The following PUM1 variants were observed in gnomAD, a reference collection of about 807,000 sequenced individuals.
PUM1 encodes the protein pumilio homolog 1.
A neutral mutation model predicts 131.8 loss-of-function variants in PUM1; 13 were observed. The ratio of observed to expected loss-of-function variants is 0.10; its 90% confidence interval spans 0.06 to 0.16. PUM1 has a LOEUF of 0.16. Among genes scored for constraint, PUM1 ranks in the 10% least tolerant of loss-of-function variants. PUM1 has a pLI of 1.00. For synonymous variants in PUM1, 509 were observed against 556.5 expected (o/e 0.91, Z 1.20); for missense variants, 961 against 1,512.4 (o/e 0.64, Z 6.05).
intron 3 of PUM1, among the ~76,000 whole-genome samples, chr1:31,010,541 C>A (rs1642574875): frequency 6.6e-6 from 1 of 152,176 alleles, no homozygotes; most frequent in East Asian, 1.9e-4. Context: ...AGAGAGACAT[C>A]TCTGGACAAC....
At chr1:30,969,141 T>C (rs1640755742) in intron 10 of PUM1, among the ~76,000 whole-genome samples, 1 of 151,606 alleles carries the variant, frequency 6.6e-6, no homozygotes, top group Non-Finnish European at 1.5e-5. Flanking sequence ...CCGTCTCTAC[T>C]AAAACTACAA....
intron 2 of PUM1, chr1:31,037,059 C>T (rs1643634720): frequency 6.5e-6 from 1 of 154,798 alleles, no homozygotes; most frequent in African/African-American, 2.4e-5. Context: ...AAGACTTAAA[C>T]AAGGGGTTAA....
At chr1:30,961,837 G>C (rs1272485401) in intron 14 of PUM1, among the ~76,000 whole-genome samples, 1 of 151,934 alleles carries the variant, frequency 6.6e-6, no homozygotes, top group Non-Finnish European at 1.5e-5. Context: ...AGGGGTGAAG[G>C]GTTCTTTTGA....
At chr1:31,056,046 A>G (rs913344374) in intron 2 of PUM1, among the ~76,000 whole-genome samples, 1 of 152,160 alleles carries the variant, frequency 6.6e-6, no homozygotes, top group Non-Finnish European at 1.5e-5. Flanking sequence ...TGCCACCCAA[A>G]TCAAATACCT....
intron 7 of PUM1, 115 bp downstream of exon 7, chr1:30,992,275 G>A: frequency 1.5e-5 from 21 of 1,362,026 alleles, no homozygotes; most frequent in Non-Finnish European, 1.9e-5. Flanking sequence ...ACAAGGGCTA[G>A]CTATGGATAG....
At chr1:30,962,048 C>G (rs1252298401) in intron 14 of PUM1, among the ~76,000 whole-genome samples, 1 of 152,116 alleles carries the variant, frequency 6.6e-6, no homozygotes, top group South Asian at 2.1e-4. Context: ...TCTACTTTCT[C>G]GAGGAAACAG....
At position 31,059,193 on chromosome 1, in the gene PUM1, C is replaced by CT. The variant is rs747896962; in HGVS notation, c.363+10dup. 5.8e-5 allele frequency: 90 copies of CT among 1,543,096 alleles called. No individual in the cohort carries two copies. Among genetic ancestry groups the CT allele is most frequent in the Admixed American group, 8.3e-5 (4 of 48,428 alleles). On this transcript the variant is annotated intron_variant, in intron 2 of 21. Coordinates refer to ENST00000426105, the MANE Select transcript of PUM1 (RefSeq NM_001020658.2). ...GGAATGTCAAAGCTAAAATAGTGAA[C>CT]TTTTTTTTACCTGATGTTCTGCATG...
intron 4 of PUM1, 38 bp downstream of exon 4, chr1:31,006,956 A>G: frequency 6.7e-7 from 1 of 1,494,570 alleles, no homozygotes; most frequent in Non-Finnish European, 9.3e-7. Context: ...GCTCTAAGAC[A>G]GGCATAAATC....
intron 2 of PUM1, among the ~76,000 whole-genome samples, chr1:31,056,001 A>C (rs1644228375): frequency 6.6e-6 from 1 of 152,162 alleles, no homozygotes; most frequent in African/African-American, 2.4e-5. Flanking sequence ...AATAGTACAG[A>C]GATTACAGGG....
At chr1:31,041,757 C>T (rs1643823063) in intron 2 of PUM1, among the ~76,000 whole-genome samples, 1 of 152,158 alleles carries the variant, frequency 6.6e-6, no homozygotes, top group African/African-American at 2.4e-5. Context: ...GATGCTGTAA[C>T]TTACTTCCTG....
rs1325763874 is a variant in PUM1 at position 30,933,106 on chromosome 1, C to T, written c.*105G>A. On this transcript the variant is annotated 3_prime_UTR_variant, in exon 22 of 22. Coordinates refer to ENST00000426105, the MANE Select transcript of PUM1 (RefSeq NM_001020658.2). ...GGAGGGAGTAATCCTGGAGCAACCA[C>T]TTGCCCGTCTCAGACTCTACACTAG... 1 of 1,381,168 alleles carries T rather than the reference C, an allele frequency of 7.2e-7. No individual in the cohort carries two copies. Among genetic ancestry groups the T allele is most frequent in the Admixed American group, 2.6e-5 (1 of 38,176 alleles). 85.6% of individuals were successfully genotyped at this position (1,381,168 alleles called of 1,614,324 possible). A position where few individuals can be genotyped will look rare whatever the true frequency, so the allele number is the denominator to read the frequency against.
intron 3 of PUM1, among the ~76,000 whole-genome samples, chr1:31,026,944 C>CAAAAAAAAAA (rs35459131): frequency 9.4e-6 from 1 of 106,524 alleles, no homozygotes; most frequent in Non-Finnish European, 2.1e-5. Flanking sequence ...ACATATACCA[C>CAAAAAAAAAA]AAAAAAAAAA....
intron 20 of PUM1, 110 bp from the exon 21 acceptor site, chr1:30,936,945 AT>A: frequency 1.1e-6 from 1 of 931,462 alleles, no homozygotes; most frequent in Non-Finnish European, 1.6e-6. Flanking sequence ...AGAGAGAGCT[AT>A]TTAACATTTG....
chr1:31,057,724 C>CA (rs58490041), intron 2 of PUM1, among the ~76,000 whole-genome samples: 2,879 of 72,098 alleles, frequency 0.04, 166 homozygotes, highest in East Asian at 0.1. Context: ...GACTCCATCT[C>CA]AAAAAAAAAA....
intron 2 of PUM1, among the ~76,000 whole-genome samples, chr1:31,032,887 C>T (rs1643481162): frequency 6.6e-6 from 1 of 152,094 alleles, no homozygotes; most frequent in Non-Finnish European, 1.5e-5. Context: ...GGGCAGATCA[C>T]CTGAGGTCAG....
intron 17 of PUM1, 41 bp from the exon 18 acceptor site, chr1:30,945,524 C>A: frequency 6.2e-7 from 1 of 1,609,018 alleles, no homozygotes; most frequent in Non-Finnish European, 8.5e-7. Flanking sequence ...TCACAGCAAG[C>A]AAACATGTGG....
At chr1:30,993,319 C>T (rs958696123) in intron 6 of PUM1, among the ~76,000 whole-genome samples, 1 of 141,736 alleles carries the variant, frequency 7.1e-6, no homozygotes, top group African/African-American at 2.6e-5. Flanking sequence ...ATTTATCATC[C>T]AAACCAGGAC....
At chr1:31,003,217 T>C (rs555101470) in intron 5 of PUM1, among the ~76,000 whole-genome samples, 2 of 152,276 alleles carry the variant, frequency 1.3e-5, no homozygotes, top group Admixed American at 6.5e-5. Flanking sequence ...ACTCCTCCTT[T>C]AGAACAATTA....
chr1:31,006,226 T>C (rs1642397112), intron 4 of PUM1, among the ~76,000 whole-genome samples, 195 bp from the exon 5 acceptor site: 2 of 152,196 alleles, frequency 1.3e-5, no homozygotes, highest in South Asian at 4.1e-4. Flanking sequence ...TTATCCAGGA[T>C]AGCAGAGGAA....
Sources: allele counts gnomAD v4.1 joint callset (sites outside exome capture counted in the v4.1 genomes callset), GRCh38; gene constraint gnomAD v4.1.1; transcripts MANE v1.5; gene names NCBI Gene and HGNC (gene_info 2026-07-23, HGNC 2026-07-21).